The following ACBD5 variants were observed in gnomAD, a reference collection of about 807,000 sequenced individuals.
ACBD5 encodes acyl-CoA-binding domain-containing protein 5.
ACBD5 carries 40 observed loss-of-function variants against 71.8 expected under a neutral mutation model. That is an observed-to-expected ratio of 0.56 (90% CI 0.43 to 0.72). ACBD5 has a LOEUF of 0.72. Ranked by LOEUF, ACBD5 falls within the 30% of genes least tolerant of loss-of-function variation. The pLI is 0.00. For synonymous variants in ACBD5, 229 were observed against 218.6 expected, an observed-to-expected ratio of 1.05 and a Z score of -0.42; for missense variants, 559 against 644.5, an observed-to-expected ratio of 0.87 and a Z score of 1.44.
chr10:27,218,135 A>T lies in ACBD5; in HGVS notation c.674T>A (p.Ile225Asn). The change falls in exon 7 of 13, where the codon ATT becomes AAT. Residue 225 changes from isoleucine to asparagine, a missense_variant. Transcript: ENST00000396271. ...ATCTTTATCATAGCCATTAGTGACA[A>T]TGACTTCCAAATTCTTATGGTCTGC... Reference protein sequence around the residue: ...KSADHKNLEVIVTNGYDKDGF... With the variant: ...KSADHKNLEVNVTNGYDKDGF... The T allele has an allele frequency of 4.3e-6, 7 of 1,614,134 alleles. No homozygotes were observed. The highest frequency in any genetic ancestry group is 5.9e-6 in the Non-Finnish European group (7 of 1,180,014).
intron 4 of ACBD5, among the ~76,000 whole-genome samples, chr10:27,223,773 G>A (rs745867609): frequency 3.9e-5 from 6 of 151,978 alleles, no homozygotes; most frequent in Non-Finnish European, 7.4e-5. Flanking sequence ...AACCAGGCAC[G>A]GTGGTGTGTG....
intron 4 of ACBD5, among the ~76,000 whole-genome samples, 156 bp downstream of exon 4, chr10:27,231,592 T>A (rs906983664): frequency 3.3e-5 from 5 of 152,214 alleles, no homozygotes; most frequent in Non-Finnish European, 7.3e-5. Flanking sequence ...AGATGAACTT[T>A]AATGAAGCAG....
chr10:27,208,181 G>A (rs2060668893), intron 10 of ACBD5, 65 bp downstream of exon 10: 3 of 1,475,854 alleles, frequency 2.0e-6, no homozygotes, highest in East Asian at 2.3e-5. Flanking sequence ...TATGATCAAC[G>A]CAGACTCCAC....
intron 7 of ACBD5, among the ~76,000 whole-genome samples, chr10:27,217,291 A>G (rs2061763582): frequency 6.8e-6 from 1 of 147,776 alleles, no homozygotes; most frequent in Non-Finnish European, 1.5e-5. Context: ...CCCCGTCTCT[A>G]CTAAAAATAC....
At chr10:27,203,138 T>G (rs1486306547) in intron 12 of ACBD5, among the ~76,000 whole-genome samples, 1 of 151,844 alleles carries the variant, frequency 6.6e-6, no homozygotes, top group Non-Finnish European at 1.5e-5. Flanking sequence ...CCAACCTGGC[T>G]AATTTTTTTA....
At chr10:27,217,008 T>A (rs1382609835) in intron 7 of ACBD5, among the ~76,000 whole-genome samples, 1 of 151,356 alleles carries the variant, frequency 6.6e-6, no homozygotes, top group Non-Finnish European at 1.5e-5. Context: ...TAGCTGGGCA[T>A]GGTGGCGGGC....
At position 27,199,936 on chromosome 10, in the gene ACBD5, C is replaced by A. The variant is rs1002036516; in HGVS notation, c.1566-2494G>T. Among the ~76,000 whole-genome samples, 7 of 151,806 alleles carry A rather than the reference C, an allele frequency of 4.6e-5. No individual in the cohort carries two copies. The East Asian group carries it at 1.4e-3, about 29-fold the overall frequency. The stretch of plus-strand genomic sequence containing the variant: ...CCTGGGAGGCGGAGCTTGCAGTAAG[C>A]CAAGATTACGCCACTGCAATCCAGC... On this transcript the variant is annotated intron_variant, in intron 12 of 12. Coordinates refer to ENST00000396271, the MANE Select transcript of ACBD5 (RefSeq NM_145698.5).
downstream of ACBD5, among the ~76,000 whole-genome samples, chr10:27,192,806 C>G (rs1231803881): frequency 6.6e-6 from 1 of 151,440 alleles, no homozygotes; most frequent in Non-Finnish European, 1.5e-5. Context: ...CCTGTCTGTA[C>G]TAAAAATACA....
intron 4 of ACBD5, among the ~76,000 whole-genome samples, chr10:27,228,208 G>T (rs1376171272): frequency 6.7e-6 from 1 of 150,296 alleles, no homozygotes; most frequent in Non-Finnish European, 1.5e-5. Context: ...ACAGACATAA[G>T]GCACATTATT....
At chr10:27,227,285 C>T (rs375223733) in intron 4 of ACBD5, among the ~76,000 whole-genome samples, 2 of 152,192 alleles carry the variant, frequency 1.3e-5, no homozygotes, top group East Asian at 1.9e-4. Context: ...AGCACTTTTC[C>T]TCAGTGAGAG....
intron 8 of ACBD5, among the ~76,000 whole-genome samples, chr10:27,214,412 GCC>G (rs2061417412): frequency 6.6e-6 from 1 of 151,494 alleles, no homozygotes; most frequent in African/African-American, 2.4e-5. Context: ...TGGGGGTCTC[GCC>G]TTCTTGCCCA....
chr10:27,221,916 T>G (rs1774199739), intron 5 of ACBD5, among the ~76,000 whole-genome samples: 1 of 13,752 alleles, frequency 7.3e-5, no homozygotes, highest in African/African-American at 2.9e-4. Context: ...AGACTCCATC[T>G]CAAAAAAAAA....
intron 12 of ACBD5, among the ~76,000 whole-genome samples, chr10:27,202,247 C>T (rs1370426510): frequency 2.0e-5 from 3 of 152,168 alleles, no homozygotes; most frequent in Non-Finnish European, 4.4e-5. Flanking sequence ...CAAATATGGC[C>T]CTACTTCCAA....
chr10:27,197,883 A>G (rs959498633), intron 12 of ACBD5, among the ~76,000 whole-genome samples: 3 of 152,288 alleles, frequency 2.0e-5, no homozygotes, highest in Admixed American at 6.5e-5. Context: ...TACCCACCTC[A>G]GCCTCCCAAA....
chr10:27,199,605 C>T (rs969866700), intron 12 of ACBD5, among the ~76,000 whole-genome samples: 3 of 152,186 alleles, frequency 2.0e-5, no homozygotes, highest in African/African-American at 7.2e-5. Flanking sequence ...TCCTTCCCCT[C>T]CTCAGAAGCC....
chr10:27,212,738 G>A lies in ACBD5; in HGVS notation c.937-1657C>T, dbSNP rs139000958. Among the ~76,000 whole-genome samples, 1,123 of 151,926 alleles carry A rather than the reference G, an allele frequency of 7.4e-3. 9 individuals carry two copies. The highest frequency in any genetic ancestry group is 0.011 in the Non-Finnish European group (750 of 67,958). On this transcript the variant is annotated intron_variant, in intron 8 of 12. Coordinates refer to ENST00000396271, the MANE Select transcript of ACBD5 (RefSeq NM_145698.5). Reference sequence around the variant, plus strand: ...AAGTTTTTTATTTTTTTGTAGAGACGGGGTTTTGCCATGTTGCTCACGCGG... The same window carrying A: ...AAGTTTTTTATTTTTTTGTAGAGACAGGGTTTTGCCATGTTGCTCACGCGG...
At chr10:27,241,182 CTCCT>C (rs1447019232), upstream of ACBD5, among the ~76,000 whole-genome samples, 1 of 152,188 alleles carries the variant, frequency 6.6e-6, no homozygotes, top group Non-Finnish European at 1.5e-5. Context: ...CGCCTGCACT[CTCCT>C]AAGTTAAGGT....
At chr10:27,194,616 A>AATAATAATG (rs1204445615), downstream of ACBD5, among the ~76,000 whole-genome samples, 3 of 137,472 alleles carry the variant, frequency 2.2e-5, no homozygotes, top group African/African-American at 9.2e-5. Context: ...CATCTCAAAT[A>AATAATAATG]ATAATAATAA....
At chr10:27,207,046 G>C (rs2060535790) in intron 10 of ACBD5, among the ~76,000 whole-genome samples, 1 of 151,802 alleles carries the variant, frequency 6.6e-6, no homozygotes, top group Non-Finnish European at 1.5e-5. Flanking sequence ...GGGAGGCTGA[G>C]GCGGGTGGAT....
Sources: allele counts gnomAD v4.1 joint callset (sites outside exome capture counted in the v4.1 genomes callset), GRCh38; gene constraint gnomAD v4.1.1; transcripts MANE v1.5; gene names NCBI Gene and HGNC (gene_info 2026-07-23, HGNC 2026-07-21).